SETBP1: variants seen among roughly 807,000 people sequenced by gnomAD.
The protein encoded by SETBP1 is SET binding protein 1.
In SETBP1, 9 loss-of-function variants were observed where a neutral mutation model predicts 101.0. That is an observed-to-expected ratio of 0.09 (90% CI 0.05 to 0.16). The LOEUF (loss-of-function observed/expected upper bound fraction) is 0.16. Ranked by LOEUF, SETBP1 falls within the 10% of genes least tolerant of loss-of-function variation. The pLI, the probability that SETBP1 is intolerant of heterozygous loss-of-function variation, is 1.00. For missense variants in SETBP1, 1,858 were observed against 2,033.8 expected, an observed-to-expected ratio of 0.91 and a Z score of 1.66; for synonymous variants, 818 against 788.5, an observed-to-expected ratio of 1.04 and a Z score of -0.63.
At chr18:44,958,782 T>C (rs748375641) in intron 4 of SETBP1, among the ~76,000 whole-genome samples, 1 of 152,152 alleles carries the variant, frequency 6.6e-6, no homozygotes, top group Non-Finnish European at 1.5e-5. Flanking sequence ...AATCATTTGG[T>C]TTCCAGGCTA....
intron 2 of SETBP1, among the ~76,000 whole-genome samples, 179 bp from the exon 3 acceptor site, chr18:44,869,051 A>C (rs1344253359): frequency 2.0e-5 from 3 of 152,212 alleles, no homozygotes; most frequent in Admixed American, 2.0e-4. Context: ...GATGGAGCAC[A>C]AAGTGGGAAG....
At chr18:44,936,570 C>T (rs975678570) in intron 3 of SETBP1, among the ~76,000 whole-genome samples, 3 of 152,130 alleles carry the variant, frequency 2.0e-5, no homozygotes, top group Admixed American at 6.5e-5. Context: ...GTCTCGACCA[C>T]GGGGAAGCCC....
At chr18:45,028,412 G>T (rs889515768) in intron 4 of SETBP1, among the ~76,000 whole-genome samples, 1 of 151,942 alleles carries the variant, frequency 6.6e-6, no homozygotes, top group Non-Finnish European at 1.5e-5. Context: ...GTCTATCATT[G>T]TTGGACATTT....
chr18:44,858,489 C>A (rs1270600441), intron 2 of SETBP1, among the ~76,000 whole-genome samples: 1 of 152,142 alleles, frequency 6.6e-6, no homozygotes, highest in African/African-American at 2.4e-5. Context: ...AAGCAAATAA[C>A]CTGATTTAAT....
intron 2 of SETBP1, among the ~76,000 whole-genome samples, chr18:44,819,833 G>A (rs2072067770): frequency 6.6e-6 from 1 of 152,264 alleles, no homozygotes; most frequent in Non-Finnish European, 1.5e-5. Context: ...ATATGAACTG[G>A]GACTGCGTGT....
In SETBP1 at chr18:45,056,866, G is replaced by A. The variant is rs368759055; in HGVS notation, c.4172-6213G>A. Among the ~76,000 whole-genome samples, 3 of 152,296 alleles carry A rather than the reference G, an allele frequency of 2.0e-5. No individual in the cohort carries two copies. In the South Asian group the frequency reaches 6.2e-4, roughly 32 times the overall value. On this transcript the variant is annotated intron_variant, in intron 5 of 5. Transcript: ENST00000649279. ...TCCCAAGAAAAAATGTGAAATAGGA[G>A]CAGAACACAGACCAGAGTCCTTCAA...
chr18:44,837,723 C>T (rs1183478752), intron 2 of SETBP1, among the ~76,000 whole-genome samples: 1 of 152,156 alleles, frequency 6.6e-6, no homozygotes, highest in Non-Finnish European at 1.5e-5. Flanking sequence ...CCCAGCTCCT[C>T]CTGACTCAGG....
intron 2 of SETBP1, among the ~76,000 whole-genome samples, chr18:44,821,536 C>G (rs976195748): frequency 6.6e-6 from 1 of 152,220 alleles, no homozygotes; most frequent in Admixed American, 6.5e-5. Context: ...TGGACCCATG[C>G]CTCTTTAGGC....
At chr18:44,708,690 C>T (rs993119597) in intron 2 of SETBP1, among the ~76,000 whole-genome samples, 3 of 151,992 alleles carry the variant, frequency 2.0e-5, no homozygotes, top group Non-Finnish European at 2.9e-5. Context: ...CAATCACATT[C>T]GGCCAGCATA....
At chr18:44,681,898 G>T (rs1174544311) in intron 1 of SETBP1, among the ~76,000 whole-genome samples, 1 of 151,852 alleles carries the variant, frequency 6.6e-6, no homozygotes, top group Non-Finnish European at 1.5e-5. Flanking sequence ...TCCTCCAAAA[G>T]GGCAGTTTAT....
At chr18:45,031,360 G>A (rs1374419250) in intron 4 of SETBP1, among the ~76,000 whole-genome samples, 1 of 151,958 alleles carries the variant, frequency 6.6e-6, no homozygotes, top group Admixed American at 6.6e-5. Context: ...AGCTTTGGAG[G>A]GGAAACATTA....
chr18:44,816,241 G>T (rs776121931), intron 2 of SETBP1, among the ~76,000 whole-genome samples: 2 of 152,266 alleles, frequency 1.3e-5, no homozygotes, highest in East Asian at 1.9e-4. Flanking sequence ...CTACTCATGG[G>T]TGGGAGGAGG....
intron 5 of SETBP1, among the ~76,000 whole-genome samples, chr18:45,042,059 A>G (rs915463423): frequency 2.6e-5 from 4 of 152,182 alleles, no homozygotes; most frequent in African/African-American, 9.7e-5. Flanking sequence ...GAGTGAAACA[A>G]ATGTTTGAGA....
chr18:44,828,172 T>TA (rs886934968), intron 2 of SETBP1, among the ~76,000 whole-genome samples: 114 of 150,148 alleles, frequency 7.6e-4, no homozygotes, highest in African/African-American at 2.6e-3. Flanking sequence ...GTCACTGGTT[T>TA]AAAAAAAAAA....
intron 3 of SETBP1, among the ~76,000 whole-genome samples, chr18:44,875,329 C>T (rs566383698): frequency 6.6e-6 from 1 of 151,904 alleles, no homozygotes; most frequent in Admixed American, 6.6e-5. Context: ...GACCTCCTGG[C>T]CAACATGGTG....
At chr18:44,801,598 G>C (rs890991489) in intron 2 of SETBP1, among the ~76,000 whole-genome samples, 1 of 152,198 alleles carries the variant, frequency 6.6e-6, no homozygotes, top group Non-Finnish European at 1.5e-5. Context: ...TTGCATATGT[G>C]TGTGGATTTG....
chr18:44,710,397 C>T (rs534603180), intron 2 of SETBP1, among the ~76,000 whole-genome samples: 123 of 147,472 alleles, frequency 8.3e-4, no homozygotes, highest in African/African-American at 2.8e-3. Context: ...TTCCTGATAA[C>T]ATTAAATATA....
intron 5 of SETBP1, 82 bp downstream of exon 5, chr18:45,038,737 C>A: frequency 6.9e-7 from 1 of 1,453,456 alleles, no homozygotes; most frequent in Non-Finnish European, 9.6e-7. Context: ...CTGTTGAATA[C>A]AGGTAAGAGT....
intron 2 of SETBP1, among the ~76,000 whole-genome samples, chr18:44,766,860 T>C (rs1033232600): frequency 6.6e-6 from 1 of 152,200 alleles, no homozygotes; most frequent in Non-Finnish European, 1.5e-5. Context: ...TTTTATGCAA[T>C]TTCAAAAATG....
Sources: allele counts gnomAD v4.1 joint callset (sites outside exome capture counted in the v4.1 genomes callset), GRCh38; gene constraint gnomAD v4.1.1; transcripts MANE v1.5; gene names NCBI Gene and HGNC (gene_info 2026-07-23, HGNC 2026-07-21).